SLC44A1: variants seen among roughly 807,000 people sequenced by gnomAD.
The protein encoded by SLC44A1 is solute carrier family 44 member 1.
Under a neutral mutation model 79.3 loss-of-function variants are expected in SLC44A1, and 26 were observed. The observed-to-expected ratio is 0.33, with a 90% CI of 0.24 to 0.46. The LOEUF is 0.46. Among genes scored for constraint, SLC44A1 ranks in the 20% least tolerant of loss-of-function variants. The probability of loss-of-function intolerance (pLI) is 1.00; values close to 1 mark genes in which losing one functional copy is unlikely to be tolerated. For missense variants in SLC44A1, 688 were observed against 798.1 expected, an observed-to-expected ratio of 0.86 and a Z score of 1.66; for synonymous variants, 263 against 286.2, an observed-to-expected ratio of 0.92 and a Z score of 0.82.
intron 1 of SLC44A1, among the ~76,000 whole-genome samples, chr9:105,283,178 G>A (rs1473160711): frequency 1.3e-5 from 2 of 152,176 alleles, no homozygotes; most frequent in African/African-American, 4.8e-5. Flanking sequence ...GGCATGGAGC[G>A]GGTGCTGAAG....
intron 15 of SLC44A1, among the ~76,000 whole-genome samples, chr9:105,420,480 C>CT (rs1829231585): frequency 6.6e-6 from 1 of 152,096 alleles, no homozygotes; most frequent in African/African-American, 2.4e-5. Context: ...TCATGCATCC[C>CT]TTTTTAATAT....
chr9:105,270,986 A>T (rs1326896089), intron 1 of SLC44A1, among the ~76,000 whole-genome samples: 1 of 152,242 alleles, frequency 6.6e-6, no homozygotes, highest in Non-Finnish European at 1.5e-5. Flanking sequence ...TTAAGTGCTT[A>T]ATCTTTGCAG....
At chr9:105,326,784 A>G (rs1461401278) in intron 3 of SLC44A1, among the ~76,000 whole-genome samples, 1 of 152,198 alleles carries the variant, frequency 6.6e-6, no homozygotes, top group Non-Finnish European at 1.5e-5. Context: ...TCCCAGGGGA[A>G]AGCTACCATT....
At chr9:105,361,130 T>A (rs1016734502) in intron 7 of SLC44A1, 61 bp from the exon 8 acceptor site, 3 of 1,525,420 alleles carry the variant, frequency 2.0e-6, no homozygotes, top group Non-Finnish European at 1.8e-6. Context: ...AAATTGAGAA[T>A]TTATGTTACA....
At chr9:105,250,561 T>C (rs1041508501) in intron 1 of SLC44A1, among the ~76,000 whole-genome samples, 2 of 152,220 alleles carry the variant, frequency 1.3e-5, no homozygotes. Context: ...ATAGGGGATA[T>C]ATGAGATAAA....
chr9:105,323,670 A>G (rs2131336571), intron 3 of SLC44A1, among the ~76,000 whole-genome samples: 1 of 152,320 alleles, frequency 6.6e-6, no homozygotes, highest in South Asian at 2.1e-4. Flanking sequence ...GGGAAAACAC[A>G]GCTATTTTAA....
At chr9:105,303,189 A>G (rs546514729) in intron 2 of SLC44A1, among the ~76,000 whole-genome samples, 3 of 152,286 alleles carry the variant, frequency 2.0e-5, no homozygotes, top group South Asian at 2.1e-4. Flanking sequence ...GCACCACTTT[A>G]TTAGTAGATA....
intron 15 of SLC44A1, among the ~76,000 whole-genome samples, chr9:105,402,603 A>C (rs1438456535): frequency 6.6e-6 from 1 of 152,158 alleles, no homozygotes; most frequent in Non-Finnish European, 1.5e-5. Context: ...CCAGCAAAAA[A>C]TGTTTTCCAC....
chr9:105,248,417 C>A (rs1829506636), intron 1 of SLC44A1, among the ~76,000 whole-genome samples: 1 of 152,068 alleles, frequency 6.6e-6, no homozygotes, highest in Non-Finnish European at 1.5e-5. Context: ...GGATTTAGAT[C>A]AAAGAAAAGT....
intron 15 of SLC44A1, chr9:105,438,210 TA>T: frequency 7.7e-7 from 1 of 1,298,668 alleles, no homozygotes; most frequent in Non-Finnish European, 1.1e-6. Flanking sequence ...TATTTCTAGT[TA>T]TTGATTACTT....
intron 7 of SLC44A1, among the ~76,000 whole-genome samples, chr9:105,360,741 A>G (rs556028418): frequency 3.3e-5 from 5 of 152,328 alleles, no homozygotes; most frequent in South Asian, 4.1e-4. Context: ...TTACTGTGTC[A>G]GTGCAAGTCA....
At chr9:105,437,943 T>C (rs1404761854) in intron 15 of SLC44A1, among the ~76,000 whole-genome samples, 1 of 152,246 alleles carries the variant, frequency 6.6e-6, no homozygotes, top group Non-Finnish European at 1.5e-5. Context: ...CCTTCCTTGA[T>C]ATGTGTCAGA....
Position 105,395,932 on chromosome 9 carries a change from C to T in SLC44A1, c.*6876C>T, listed in dbSNP as rs1168408092. 2.0e-6 allele frequency: 2 copies of T among 983,268 alleles called. No individual in the cohort carries two copies. Among genetic ancestry groups the T allele is most frequent in the African/African-American group, 3.5e-5 (2 of 56,716 alleles). 60.9% of individuals were successfully genotyped at this position (983,268 alleles called of 1,614,324 possible). A position where few individuals can be genotyped will look rare whatever the true frequency, so the allele number is the denominator to read the frequency against. On this transcript the variant is annotated 3_prime_UTR_variant, in exon 16 of 16. Coordinates refer to ENST00000374720, the MANE Select transcript of SLC44A1 (RefSeq NM_080546.5). ...TTTTTTTGTAAATTGTATTAGATACCCCACAGGAATGTGACAATAATAGGA... is the reference window on the plus strand; with the variant it reads ...TTTTTTTGTAAATTGTATTAGATACTCCACAGGAATGTGACAATAATAGGA...
chr9:105,246,471 C>A (rs1165243694), intron 1 of SLC44A1, among the ~76,000 whole-genome samples: 1 of 143,780 alleles, frequency 7.0e-6, no homozygotes, highest in Admixed American at 7.2e-5. Flanking sequence ...GATTCCTATT[C>A]AGTTATAATA....
chr9:105,412,705 G>A (rs1170619963), intron 15 of SLC44A1, among the ~76,000 whole-genome samples: 1 of 151,966 alleles, frequency 6.6e-6, no homozygotes, highest in African/African-American at 2.4e-5. Context: ...GGGTTCTAGC[G>A]ATTCTCCTGC....
At chr9:105,283,037 T>G (rs1348915394) in intron 1 of SLC44A1, among the ~76,000 whole-genome samples, 1 of 152,190 alleles carries the variant, frequency 6.6e-6, no homozygotes, top group Non-Finnish European at 1.5e-5. Flanking sequence ...GCAGGATACT[T>G]CAACCTTTAA....
chr9:105,259,661 C>A (rs1829797047), intron 1 of SLC44A1, among the ~76,000 whole-genome samples: 2 of 152,144 alleles, frequency 1.3e-5, no homozygotes, highest in African/African-American at 4.8e-5. Flanking sequence ...AATTCTGAAA[C>A]CACAGGTGTT....
At chr9:105,342,122 C>T (rs1189136002) in intron 4 of SLC44A1, among the ~76,000 whole-genome samples, 1 of 152,228 alleles carries the variant, frequency 6.6e-6, no homozygotes, top group Non-Finnish European at 1.5e-5. Flanking sequence ...TCAAATAACA[C>T]ATACGGTAGT....
chr9:105,395,599 G>C lies in SLC44A1; in HGVS notation c.*6543G>C, dbSNP rs371433284. The C allele has an allele frequency of 1.0e-6, 1 of 985,208 alleles. No homozygotes were observed. The allele number at this position is 985,208 out of a possible 1,614,324, so 61.0% of individuals were successfully genotyped here. On this transcript the variant is annotated 3_prime_UTR_variant, in exon 16 of 16. Transcript: ENST00000374720. ...ATTCCCATGTTGGATAGAAAAGGGC[G>C]TAAGTCCAGTCTAAGTATCTAAATG... is the stretch of plus-strand genomic sequence containing the variant.
Sources: gnomAD v4.1 joint callset for allele counts (sites outside exome capture counted in the v4.1 genomes callset) on GRCh38, gnomAD v4.1.1 for gene constraint, MANE v1.5 for transcripts, NCBI Gene and HGNC (gene_info 2026-07-23, HGNC 2026-07-21) for gene names.